Variants in RANBP9 observed in about 807,000 individuals in gnomAD.
RANBP9 encodes the protein ran-binding protein 9.
RANBP9 carries 15 observed loss-of-function variants against 84.3 expected under a neutral mutation model. That is an observed-to-expected ratio of 0.18 (90% CI 0.12 to 0.27). RANBP9 has a LOEUF of 0.27. Among genes scored for constraint, RANBP9 ranks in the 10% least tolerant of loss-of-function variants. The pLI, the probability that RANBP9 is intolerant of heterozygous loss-of-function variation, is 1.00. For missense variants in RANBP9, 809 were observed against 912.8 expected (o/e 0.89, Z 1.46); for synonymous variants, 392 against 349.6 (o/e 1.12, Z -1.35).
intron 5 of RANBP9, among the ~76,000 whole-genome samples, chr6:13,650,133 C>T (rs143648668): frequency 7.3e-4 from 110 of 150,518 alleles, no homozygotes; most frequent in African/African-American, 1.1e-3. Context: ...CTAAATAATG[C>T]GGCAGGGTTT....
intron 2 of RANBP9, among the ~76,000 whole-genome samples, chr6:13,667,116 T>A (rs1765668291): frequency 6.6e-6 from 1 of 152,150 alleles, no homozygotes. Context: ...ACATGAAGAT[T>A]TTTCAGATCA....
At chr6:13,666,141 A>G (rs546623075) in intron 2 of RANBP9, among the ~76,000 whole-genome samples, 1 of 152,086 alleles carries the variant, frequency 6.6e-6, no homozygotes, top group Non-Finnish European at 1.5e-5. Context: ...CACACACACA[A>G]AAAGAGAAGT....
chr6:13,687,666 A>C (rs1195100812), intron 2 of RANBP9, among the ~76,000 whole-genome samples: 1 of 152,110 alleles, frequency 6.6e-6, no homozygotes, highest in Non-Finnish European at 1.5e-5. Context: ...TCATGTAAAA[A>C]ATTAAGTCCT....
chr6:13,647,689 CAT>C (rs1765202643), intron 5 of RANBP9, among the ~76,000 whole-genome samples: 1 of 152,010 alleles, frequency 6.6e-6, no homozygotes, highest in East Asian at 1.9e-4. Context: ...CTCTTTTGTA[CAT>C]TTCTGTATAT....
At chr6:13,641,946 C>A (rs1363382989) in intron 7 of RANBP9, among the ~76,000 whole-genome samples, 1 of 152,078 alleles carries the variant, frequency 6.6e-6, no homozygotes, top group Non-Finnish European at 1.5e-5. Context: ...TCATACCCAC[C>A]CTGATGGACA....
chr6:13,643,259 C>A (rs1326102723), intron 6 of RANBP9, among the ~76,000 whole-genome samples: 1 of 152,180 alleles, frequency 6.6e-6, no homozygotes, highest in Non-Finnish European at 1.5e-5. Context: ...AGACAATAAT[C>A]TTTTAAAAAC....
At chr6:13,624,556 CTTG>C (rs988015868) in intron 13 of RANBP9, among the ~76,000 whole-genome samples, 13 of 152,176 alleles carry the variant, frequency 8.5e-5, no homozygotes, top group African/African-American at 3.1e-4. Flanking sequence ...AAAACTCAAA[CTTG>C]TTTTATGTAA....
intron 2 of RANBP9, among the ~76,000 whole-genome samples, chr6:13,672,132 A>G (rs1056816839): frequency 1.8e-4 from 27 of 152,164 alleles, no homozygotes; most frequent in Non-Finnish European, 2.8e-4. Context: ...AAGGAGCTCC[A>G]CCTGGTTTTT....
chr6:13,637,974 C>T lies in RANBP9; in HGVS notation c.1526-19G>A, dbSNP rs180687194. On this transcript the variant is annotated intron_variant, in intron 9 of 13. Coordinates refer to ENST00000011619, the MANE Select transcript of RANBP9 (RefSeq NM_005493.3). ...TCAAAACCTGAAGAAAAAGATACCA[C>T]GTAGAAACAGAAACAAACACTAATT... is the stretch of plus-strand genomic sequence containing the variant. 3,935 of 1,575,570 alleles carry T rather than the reference C, an allele frequency of 2.5e-3. 7 individuals carry two copies. The highest frequency in any genetic ancestry group is 3.1e-3 in the Non-Finnish European group (3,658 of 1,163,854).
At chr6:13,682,499 C>G (rs1302911918) in intron 2 of RANBP9, among the ~76,000 whole-genome samples, 1 of 151,668 alleles carries the variant, frequency 6.6e-6, no homozygotes, top group Non-Finnish European at 1.5e-5. Flanking sequence ...GTTGCCCAGC[C>G]TGCAGTGCAA....
At chr6:13,687,484 T>G (rs1286917729) in intron 2 of RANBP9, among the ~76,000 whole-genome samples, 1 of 151,294 alleles carries the variant, frequency 6.6e-6, no homozygotes, top group African/African-American at 2.4e-5. Context: ...TGAGGCCCTA[T>G]CTCTTAAAAA....
intron 3 of RANBP9, among the ~76,000 whole-genome samples, chr6:13,658,517 G>A (rs766551421): frequency 1.2e-4 from 18 of 152,158 alleles, no homozygotes; most frequent in African/African-American, 4.3e-4. Flanking sequence ...GCTGAGGGCA[G>A]GAAAACCGCT....
intron 2 of RANBP9, among the ~76,000 whole-genome samples, chr6:13,672,387 G>A (rs1427446979): frequency 2.0e-5 from 3 of 151,976 alleles, no homozygotes; most frequent in Non-Finnish European, 4.4e-5. Context: ...CAATATAACA[G>A]ATTACAACTG....
At chr6:13,656,965 A>C in intron 4 of RANBP9, 144 bp downstream of exon 4, 1 of 726,200 alleles carries the variant, frequency 1.4e-6, no homozygotes. Flanking sequence ...CCATTTCCTC[A>C]GCTTCTGTCT....
chr6:13,684,891 T>C (rs1320371815), intron 2 of RANBP9, among the ~76,000 whole-genome samples: 1 of 152,140 alleles, frequency 6.6e-6, no homozygotes, highest in Admixed American at 6.6e-5. Context: ...TAAGTGCCAA[T>C]AAATAAATTC....
chr6:13,695,102 G>A (rs1659111141), intron 2 of RANBP9, among the ~76,000 whole-genome samples: 1 of 152,188 alleles, frequency 6.6e-6, no homozygotes, highest in South Asian at 2.1e-4. Context: ...TGACCCAAGA[G>A]CTAGTCAGAT....
chr6:13,642,405 A>G (rs1765088751), intron 7 of RANBP9, 74 bp downstream of exon 7: 14 of 818,894 alleles, frequency 1.7e-5, no homozygotes, highest in Admixed American at 3.7e-5. Flanking sequence ...TAAAAAAACA[A>G]AATTTCTAAA....
In RANBP9 at chr6:13,652,337, C is replaced by T. The variant is rs147595005; in HGVS notation, c.927+322G>A. 2.7e-3 allele frequency among the ~76,000 whole-genome samples: 409 copies of T among 152,208 alleles called. 2 individuals are homozygous for T. The highest frequency in any genetic ancestry group is 9.5e-3 in the African/African-American group (396 of 41,510). On this transcript the variant is annotated intron_variant, in intron 5 of 13. Coordinates refer to ENST00000011619, the MANE Select transcript of RANBP9 (RefSeq NM_005493.3). ...CCTCTATATAGCTTGGATGAATAAA[C>T]GATTATAACTGCTATACAGCCTTCT... is the stretch of plus-strand genomic sequence containing the variant.
intron 6 of RANBP9, 46 bp from the exon 7 acceptor site, chr6:13,642,637 C>T (rs1239115230): frequency 4.7e-6 from 6 of 1,273,714 alleles, no homozygotes; most frequent in Non-Finnish European, 6.7e-6. Context: ...GAAGAGAATA[C>T]ATGCTTCATA....
Sources: gnomAD v4.1 joint callset for allele counts (sites outside exome capture counted in the v4.1 genomes callset) on GRCh38, gnomAD v4.1.1 for gene constraint, MANE v1.5 for transcripts, NCBI Gene and HGNC (gene_info 2026-07-23, HGNC 2026-07-21) for gene names.